ADGRB3: variants seen among roughly 807,000 people sequenced by gnomAD.
ADGRB3 encodes the protein brain-specific angiogenesis inhibitor 3.
A neutral mutation model predicts 193.4 loss-of-function variants in ADGRB3; 37 were observed. The observed-to-expected ratio is 0.19, with a 90% CI of 0.15 to 0.25. ADGRB3 has a LOEUF of 0.25. Ranked by LOEUF, ADGRB3 falls within the 10% of genes least tolerant of loss-of-function variation. The pLI is 1.00. For synonymous variants in ADGRB3, 690 were observed against 644.2 expected (o/e 1.07, Z -1.08); for missense variants, 1,637 against 1,852.9 (o/e 0.88, Z 2.14).
At chr6:69,084,995 A>C (rs7756358) in intron 17 of ADGRB3, among the ~76,000 whole-genome samples, 102,855 of 151,976 alleles carry the variant, frequency 0.68, 35,763 homozygotes, top group East Asian at 0.96. Context: ...CTTGTTTGAA[A>C]AATGGGTCTT....
chr6:68,667,139 G>A (rs1254686490), intron 3 of ADGRB3, among the ~76,000 whole-genome samples: 4 of 151,800 alleles, frequency 2.6e-5, no homozygotes, highest in African/African-American at 9.7e-5. Flanking sequence ...AAAATGTAAT[G>A]TAACTTTTAT....
chr6:69,274,769 A>G (rs1018636327), intron 20 of ADGRB3, among the ~76,000 whole-genome samples: 1 of 152,022 alleles, frequency 6.6e-6, no homozygotes, highest in African/African-American at 2.4e-5. Context: ...CAATCAGGCA[A>G]CAATAAGGTG....
chr6:69,360,097 T>TA (rs753384899), intron 28 of ADGRB3, among the ~76,000 whole-genome samples: 26 of 152,070 alleles, frequency 1.7e-4, no homozygotes, highest in Admixed American at 6.6e-4. Flanking sequence ...TACTACAAGT[T>TA]ATCATAGATT....
intron 11 of ADGRB3, among the ~76,000 whole-genome samples, chr6:69,008,682 C>T (rs756537623): frequency 3.3e-4 from 50 of 152,016 alleles, no homozygotes; most frequent in African/African-American, 6.5e-4. Flanking sequence ...TTTTGAAGTT[C>T]GTGGGTTTAT....
intron 3 of ADGRB3, among the ~76,000 whole-genome samples, chr6:68,720,675 A>G (rs1765559899): frequency 6.6e-6 from 1 of 151,788 alleles, no homozygotes; most frequent in African/African-American, 2.4e-5. Context: ...AGAAAAAATG[A>G]AAAAAGAAAA....
rs1477691697 is a variant in ADGRB3 at position 68,952,999 on chromosome 6, T to G, written c.1196-3025T>G. ...ACATTTTATTATTATTGATGCAGTC[T>G]TATTTCAGTAAAAGCCTGAGGAGCA... On this transcript the variant is annotated intron_variant, in intron 6 of 31. Coordinates refer to ENST00000370598, the MANE Select transcript of ADGRB3 (RefSeq NM_001704.3). 2.0e-5 allele frequency among the ~76,000 whole-genome samples: 3 copies of G among 152,148 alleles called. No homozygotes were observed. The East Asian group carries it at 5.8e-4, about 29-fold the overall frequency.
chr6:69,297,410 C>CTATATATATATA (rs753511956), intron 20 of ADGRB3, among the ~76,000 whole-genome samples: 1 of 128,240 alleles, frequency 7.8e-6, no homozygotes, highest in African/African-American at 3.0e-5. Flanking sequence ...CTCTCTCTCT[C>CTATATATATATA]TATATATATA....
chr6:68,823,790 TTCTTGCA>T (rs1767790157), intron 3 of ADGRB3, among the ~76,000 whole-genome samples: 1 of 152,160 alleles, frequency 6.6e-6, no homozygotes, highest in Non-Finnish European at 1.5e-5. Context: ...TAATCATTGC[TTCTTGCA>T]TAAAAATTCT....
intron 17 of ADGRB3, among the ~76,000 whole-genome samples, chr6:69,100,936 G>A (rs370662228): frequency 0.022 from 16 of 716 alleles, no homozygotes; most frequent in African/African-American, 0.049. Flanking sequence ...GAGGGAGGGA[G>A]GGAAGGAAGG....
intron 3 of ADGRB3, among the ~76,000 whole-genome samples, chr6:68,723,740 C>T (rs919302941): frequency 2.6e-5 from 4 of 151,622 alleles, no homozygotes; most frequent in East Asian, 3.9e-4. Flanking sequence ...TCTTTCAATA[C>T]CTATTGCCTC....
rs1464717775 is a variant in ADGRB3 at position 68,657,072 on chromosome 6, G to T, written c.757+17640G>T. On this transcript the variant is annotated intron_variant, in intron 3 of 31. Transcript: ENST00000370598. ...CCAGTTTTACTCATCTGTAGATGAA[G>T]ATCAGAAATATAATGAGTTGCTTTA... is the stretch of plus-strand genomic sequence containing the variant. Among the ~76,000 whole-genome samples, 3 of 151,430 alleles carry T rather than the reference G, an allele frequency of 2.0e-5. No individual in the cohort carries two copies. In the East Asian group the frequency reaches 5.8e-4, roughly 29 times the overall value.
intron 2 of ADGRB3, 29 bp from the exon 3 acceptor site, chr6:68,638,632 G>A (rs368870138): frequency 3.9e-6 from 6 of 1,557,982 alleles, no homozygotes; most frequent in Non-Finnish European, 5.2e-6. Context: ...ACTCCTACTT[G>A]CATTTTACTT....
intron 20 of ADGRB3, among the ~76,000 whole-genome samples, chr6:69,320,409 C>T (rs1488768543): frequency 2.0e-5 from 3 of 151,372 alleles, no homozygotes; most frequent in Non-Finnish European, 4.4e-5. Context: ...CTTTGTTAGA[C>T]ATGGAGACTT....
chr6:69,192,101 G>A (rs1765200362), intron 17 of ADGRB3, among the ~76,000 whole-genome samples: 1 of 152,152 alleles, frequency 6.6e-6, no homozygotes, highest in Admixed American at 6.6e-5. Flanking sequence ...ATATAAAAAG[G>A]AGTTGATTAA....
At chr6:69,075,649 G>T (rs916177228) in intron 16 of ADGRB3, among the ~76,000 whole-genome samples, 2 of 151,978 alleles carry the variant, frequency 1.3e-5, no homozygotes, top group Non-Finnish European at 2.9e-5. Context: ...TAATCTTAAA[G>T]AAAGTAATCT....
chr6:68,847,643 C>A (rs1308402418), intron 3 of ADGRB3, among the ~76,000 whole-genome samples: 5 of 152,178 alleles, frequency 3.3e-5, no homozygotes, highest in African/African-American at 1.2e-4. Flanking sequence ...GATTATGAGA[C>A]CTCCCCAGCC....
intron 3 of ADGRB3, among the ~76,000 whole-genome samples, chr6:68,780,773 G>A (rs1766837321): frequency 6.6e-6 from 1 of 151,952 alleles, no homozygotes; most frequent in African/African-American, 2.4e-5. Flanking sequence ...TCTTCACCCA[G>A]TTTCCCCCAA....
Position 69,076,050 on chromosome 6 carries a change from A to G in ADGRB3, c.2480+12A>G, listed in dbSNP as rs377552809. The G allele has an allele frequency of 1.2e-6, 2 of 1,610,066 alleles. No individual in the cohort carries two copies. The highest frequency in any genetic ancestry group is 1.3e-5 in the African/African-American group (1 of 74,714). ...GATGACTCCAAAACGTAAGTGACAG[A>G]TGTTTTCCTACATTACTTTGGGCTA... On this transcript the variant is annotated intron_variant, in intron 17 of 31. Coordinates refer to ENST00000370598, the MANE Select transcript of ADGRB3 (RefSeq NM_001704.3).
At chr6:68,884,153 C>G (rs1214994901) in intron 3 of ADGRB3, among the ~76,000 whole-genome samples, 3 of 152,060 alleles carry the variant, frequency 2.0e-5, no homozygotes, top group Non-Finnish European at 2.9e-5. Context: ...TTTAAATCGA[C>G]TTACTTTTAG....
Sources: allele counts gnomAD v4.1 joint callset (sites outside exome capture counted in the v4.1 genomes callset), GRCh38; gene constraint gnomAD v4.1.1; transcripts MANE v1.5; gene names NCBI Gene and HGNC (gene_info 2026-07-23, HGNC 2026-07-21).